The following SOX6 variants were observed in gnomAD, a reference collection of about 807,000 sequenced individuals.
SOX6 encodes SRY-box transcription factor 6, also known as transcription factor SOX-6.
A neutral mutation model predicts 97.8 loss-of-function variants in SOX6; 11 were observed. The observed-to-expected ratio is 0.11, with a 90% CI of 0.07 to 0.19. The LOEUF is 0.19. Ranked by LOEUF, SOX6 falls within the 10% of genes least tolerant of loss-of-function variation. The pLI, the probability that SOX6 is intolerant of heterozygous loss-of-function variation, is 1.00. For synonymous variants in SOX6, 360 were observed against 371.4 expected (o/e 0.97, Z 0.35); for missense variants, 810 against 1,039.5 (o/e 0.78, Z 3.04).
At chr11:16,059,311 C>A (rs529021375) in intron 9 of SOX6, among the ~76,000 whole-genome samples, 96 of 152,112 alleles carry the variant, frequency 6.3e-4, no homozygotes, top group South Asian at 4.6e-3. Flanking sequence ...AAACTTCATT[C>A]AAATATTTTC....
At chr11:16,481,846 G>T (rs1860348933) in intron 4 of SOX6, among the ~76,000 whole-genome samples, 1 of 151,888 alleles carries the variant, frequency 6.6e-6, no homozygotes, top group Non-Finnish European at 1.5e-5. Context: ...TACTATATTA[G>T]AAACTAAAAC....
chr11:16,439,721 T>C (rs963380407), intron 1 of SOX6, among the ~76,000 whole-genome samples: 7 of 152,220 alleles, frequency 4.6e-5, no homozygotes, highest in African/African-American at 1.7e-4. Flanking sequence ...ATTCCCTGTG[T>C]AAGAAATTGA....
intron 1 of SOX6, among the ~76,000 whole-genome samples, chr11:16,431,226 AC>A (rs1017199245): frequency 1.1e-4 from 17 of 151,738 alleles, no homozygotes; most frequent in Admixed American, 3.3e-4. Context: ...GCTTCATATC[AC>A]TCATCACCTT....
intron 4 of SOX6, among the ~76,000 whole-genome samples, chr11:16,228,930 T>C (rs1852764344): frequency 6.6e-6 from 1 of 152,106 alleles, no homozygotes; most frequent in East Asian, 1.9e-4. Flanking sequence ...ATATAAAATT[T>C]TATGAGAAAC....
At position 16,283,089 on chromosome 11, in the gene SOX6, G is replaced by GTGTATATA. The variant is rs370335142; in HGVS notation, c.445+35356_445+35357insTATATACA. 1.9e-3 allele frequency among the ~76,000 whole-genome samples: 218 copies of GTGTATATA among 113,692 alleles called. 1 individual carries two copies. Among genetic ancestry groups the GTGTATATA allele is most frequent in the Middle Eastern group, 4.9e-3 (1 of 206 alleles). 74.6% of individuals were successfully genotyped at this position (113,692 alleles called of 152,430 possible). ...TATATATGTAAATTATATATAATTT[G>GTGTATATA]TATATATATATATATATATATATAT... On this transcript the variant is annotated intron_variant, in intron 3 of 15. Transcript: ENST00000683767.
At chr11:16,709,832 T>C (rs1348741493) in intron 3 of SOX6, among the ~76,000 whole-genome samples, 8 of 152,150 alleles carry the variant, frequency 5.3e-5, no homozygotes, top group Non-Finnish European at 1.0e-4. Context: ...TAAAAAACAA[T>C]TGATGCAGAA....
intron 4 of SOX6, among the ~76,000 whole-genome samples, chr11:16,195,193 C>A (rs1227366682): frequency 1.3e-5 from 2 of 152,126 alleles, no homozygotes; most frequent in Non-Finnish European, 2.9e-5. Context: ...TCTTAATCCT[C>A]ATCCAAAAAG....
Position 16,341,200 on chromosome 11 carries a change from C to T in SOX6, c.49G>A (p.Glu17Lys). ...TSPFACAADG[E>K]DAMTQDLTSR... ...GTTAAATCCTGGGTCATTGCATCCT[C>T]TCCATCAGCTGCACAGGCAAATGGA... is the stretch of plus-strand genomic sequence containing the variant. The change falls in exon 2 of 16, where the codon GAG becomes AAG. Residue 17 changes from glutamate to lysine, a missense_variant. By Grantham distance (56) the Glu-to-Lys change is moderately conservative (BLOSUM62 1). Coordinates refer to ENST00000683767, the MANE Select transcript of SOX6 (RefSeq NM_001367873.1). 6.2e-7 allele frequency: 1 copy of T among 1,613,466 alleles called. No individual in the cohort carries two copies. The highest frequency in any genetic ancestry group is 8.5e-7 in the Non-Finnish European group (1 of 1,179,614).
chr11:16,342,480 T>C (rs1856667506), intron 1 of SOX6, among the ~76,000 whole-genome samples: 1 of 151,934 alleles, frequency 6.6e-6, no homozygotes, highest in South Asian at 2.1e-4. Context: ...TGAGCATTTT[T>C]CAAATTAGCA....
intron 3 of SOX6, among the ~76,000 whole-genome samples, chr11:16,265,675 A>G (rs373418345): frequency 7.9e-5 from 12 of 152,050 alleles, no homozygotes; most frequent in African/African-American, 2.9e-4. Flanking sequence ...AAGAGTTATT[A>G]AAACTATATT....
chr11:16,667,522 A>G (rs1847816079), intron 3 of SOX6, among the ~76,000 whole-genome samples: 1 of 150,982 alleles, frequency 6.6e-6, no homozygotes, highest in Non-Finnish European at 1.5e-5. Context: ...AGAGAGTGGC[A>G]TGAATTATTT....
At chr11:16,361,012 AAAG>A (rs1554961475), upstream of SOX6, among the ~76,000 whole-genome samples, 15,965 of 149,496 alleles carry the variant, frequency 0.11, 1,035 homozygotes, top group East Asian at 0.27. Flanking sequence ...CAAAAAAAAA[AAAG>A]AAGAAGAAGA....
intron 4 of SOX6, among the ~76,000 whole-genome samples, chr11:16,586,538 CT>C (rs1848095456): frequency 6.6e-6 from 1 of 152,108 alleles, no homozygotes; most frequent in African/African-American, 2.4e-5. Context: ...GTGAGATCCC[CT>C]GTCTCTAAAA....
At chr11:16,597,995 T>C (rs1328512507) in intron 4 of SOX6, among the ~76,000 whole-genome samples, 2 of 152,094 alleles carry the variant, frequency 1.3e-5, no homozygotes, top group Non-Finnish European at 1.5e-5. Context: ...AAGCAAGTTA[T>C]GTAACTTCCC....
At chr11:16,541,116 A>C (rs1861401603) in intron 4 of SOX6, among the ~76,000 whole-genome samples, 2 of 152,196 alleles carry the variant, frequency 1.3e-5, no homozygotes, top group African/African-American at 4.8e-5. Context: ...ACTGGTACCA[A>C]AACAGAGATA....
In SOX6 at chr11:16,346,475, C is replaced by T. The variant is rs183222692; in HGVS notation, c.-4-5223G>A. On this transcript the variant is annotated intron_variant, in intron 1 of 15. Transcript: ENST00000683767. ...ATGAAGACATTCCTTTTAAAACATT[C>T]CTCAATTCATTCCAGTAAAGTCGGA... Among the ~76,000 whole-genome samples the T allele has an allele frequency of 1.8e-3, 276 of 152,082 alleles. 1 individual carries two copies. The highest frequency in any genetic ancestry group is 5.6e-3 in the African/African-American group (231 of 41,520).
chr11:16,260,953 T>G (rs1453610728), intron 3 of SOX6, among the ~76,000 whole-genome samples: 1 of 152,148 alleles, frequency 6.6e-6, no homozygotes, highest in Non-Finnish European at 1.5e-5. Context: ...GCTATATTCC[T>G]TCTCTCTTGT....
At chr11:16,245,542 AT>A (rs1853311272) in intron 3 of SOX6, among the ~76,000 whole-genome samples, 2 of 151,730 alleles carry the variant, frequency 1.3e-5, no homozygotes, top group African/African-American at 2.4e-5. Context: ...ACCAAGAATA[AT>A]TAGATTGTGG....
At chr11:16,272,794 G>A (rs1422071369) in intron 3 of SOX6, among the ~76,000 whole-genome samples, 1 of 151,740 alleles carries the variant, frequency 6.6e-6, no homozygotes, top group African/African-American at 2.4e-5. Flanking sequence ...GTCCTCTCCT[G>A]ACATTTTCAA....
Sources: gnomAD v4.1 joint callset for allele counts (sites outside exome capture counted in the v4.1 genomes callset) on GRCh38, gnomAD v4.1.1 for gene constraint, MANE v1.5 for transcripts, NCBI Gene and HGNC (gene_info 2026-07-23, HGNC 2026-07-21) for gene names.